Variants in NRXN3 observed in about 807,000 individuals in gnomAD.
NRXN3 encodes the protein neurexin 3, also known as neurexin III.
NRXN3 carries 32 observed loss-of-function variants against 137.6 expected under a neutral mutation model. That is an observed-to-expected ratio of 0.23 (90% CI 0.18 to 0.31). NRXN3 has a LOEUF of 0.31. Among genes scored for constraint, NRXN3 ranks in the 10% least tolerant of loss-of-function variants. The pLI is 1.00. For synonymous variants in NRXN3, 798 were observed against 784.5 expected (o/e 1.02, Z -0.29); for missense variants, 1,574 against 2,062.5 (o/e 0.76, Z 4.59).
At chr14:78,987,666 T>C (rs1005434855) in intron 14 of NRXN3, among the ~76,000 whole-genome samples, 2 of 152,092 alleles carry the variant, frequency 1.3e-5, no homozygotes, top group Admixed American at 6.5e-5. Context: ...AATGATTTTT[T>C]TTTTCTGAGT....
intron 15 of NRXN3, among the ~76,000 whole-genome samples, chr14:78,993,662 C>G (rs1202092161): frequency 6.6e-6 from 1 of 151,946 alleles, no homozygotes; most frequent in Admixed American, 6.6e-5. Context: ...GTTTTGTTCT[C>G]AAAGACCTTC....
At chr14:78,304,270 G>A (rs1053928353) in intron 4 of NRXN3, among the ~76,000 whole-genome samples, 8 of 152,156 alleles carry the variant, frequency 5.3e-5, no homozygotes, top group African/African-American at 1.9e-4. Flanking sequence ...CAGAATAAAC[G>A]TGGGAAAGGT....
At chr14:79,445,345 AAAAAG>A (rs1415828657) in intron 15 of NRXN3, among the ~76,000 whole-genome samples, 1 of 151,998 alleles carries the variant, frequency 6.6e-6, no homozygotes, top group African/African-American at 2.4e-5. Context: ...TCTCAAAAAA[AAAAAG>A]AAAGAAAGAA....
In NRXN3 at chr14:78,612,597, A is replaced by G. The variant is rs1199341520; in HGVS notation, c.758-32523A>G. ...GTGTTTCAACCCACTGATGTTGAAC[A>G]TACTGACCAGGATTTTGGCTCTGCC... On this transcript the variant is annotated intron_variant, in intron 4 of 20. Transcript: ENST00000335750. 2.6e-5 allele frequency among the ~76,000 whole-genome samples: 4 copies of G among 152,232 alleles called. 1 individual carries two copies. Among genetic ancestry groups the G allele is most frequent in the South Asian group, 4.1e-4 (2 of 4,832 alleles).
intron 15 of NRXN3, among the ~76,000 whole-genome samples, chr14:79,262,844 T>C (rs555610105): frequency 1.3e-5 from 2 of 152,254 alleles, no homozygotes; most frequent in South Asian, 2.1e-4. Context: ...ATAGCAACAC[T>C]GATAGGTACA....
chr14:79,494,690 G>C (rs557693511), intron 16 of NRXN3, among the ~76,000 whole-genome samples: 5 of 152,198 alleles, frequency 3.3e-5, no homozygotes, highest in African/African-American at 7.2e-5. Context: ...AATAATTTTA[G>C]ATTTGCAGAA....
chr14:78,446,929 A>C (rs973583856), intron 4 of NRXN3, among the ~76,000 whole-genome samples: 1 of 152,210 alleles, frequency 6.6e-6, no homozygotes, highest in Non-Finnish European at 1.5e-5. Flanking sequence ...ATGGTCCCTC[A>C]TTCCAGAATC....
intron 4 of NRXN3, among the ~76,000 whole-genome samples, chr14:78,446,089 T>G (rs1457284005): frequency 6.6e-6 from 1 of 152,214 alleles, no homozygotes; most frequent in Non-Finnish European, 1.5e-5. Flanking sequence ...CACCTGACCT[T>G]GCCCATAACC....
chr14:78,344,749 CCTG>C (rs2082522806), intron 4 of NRXN3, among the ~76,000 whole-genome samples: 1 of 152,204 alleles, frequency 6.6e-6, no homozygotes, highest in African/African-American at 2.4e-5. Context: ...TCACTGTGCA[CCTG>C]CTAATATAGC....
intron 4 of NRXN3, among the ~76,000 whole-genome samples, chr14:78,495,593 C>T (rs192634913): frequency 1.7e-4 from 26 of 152,264 alleles, no homozygotes; most frequent in African/African-American, 5.5e-4. Flanking sequence ...AGTGACATCT[C>T]GAATCTTCAG....
intron 15 of NRXN3, among the ~76,000 whole-genome samples, chr14:79,369,064 C>A (rs139215251): frequency 6.6e-6 from 1 of 152,226 alleles, no homozygotes; most frequent in African/African-American, 2.4e-5. Flanking sequence ...GCAAAAACTA[C>A]GTGCAAACAG....
At chr14:78,984,718 A>C (rs2099498680) in intron 14 of NRXN3, among the ~76,000 whole-genome samples, 1 of 152,174 alleles carries the variant, frequency 6.6e-6, no homozygotes, top group South Asian at 2.1e-4. Flanking sequence ...TACAGCCTTA[A>C]AGTGTTTTTC....
Position 78,315,885 on chromosome 14 carries a change from C to T in NRXN3, c.757+18025C>T, listed in dbSNP as rs182687785. Among the ~76,000 whole-genome samples, 911 of 152,280 alleles carry T rather than the reference C, an allele frequency of 6.0e-3. 10 individuals are homozygous for T. Among genetic ancestry groups the T allele is most frequent in the African/African-American group, 0.019 (809 of 41,556 alleles). ...TTATTTTTTGTGACTGACTTGTGAA[C>T]AGTTAACTGATGGCAACTCATTTTA... On this transcript the variant is annotated intron_variant, in intron 4 of 20. Transcript: ENST00000335750.
At chr14:79,294,206 T>G (rs2083655980) in intron 15 of NRXN3, among the ~76,000 whole-genome samples, 1 of 152,254 alleles carries the variant, frequency 6.6e-6, no homozygotes, top group Admixed American at 6.5e-5. Context: ...ATACCTAGCA[T>G]ATTTTCTCGC....
intron 3 of NRXN3, chr14:78,282,201 G>A: frequency 2.1e-6 from 1 of 480,782 alleles, no homozygotes; most frequent in Non-Finnish European, 4.2e-6. Context: ...GGTCTTCCTG[G>A]GCTGCTTGTA....
At chr14:78,554,621 A>G (rs965776613) in intron 4 of NRXN3, among the ~76,000 whole-genome samples, 3 of 152,222 alleles carry the variant, frequency 2.0e-5, no homozygotes, top group Non-Finnish European at 4.4e-5. Flanking sequence ...TCTTCTGCAT[A>G]GAGACCTTCT....
chr14:79,800,237 C>G (rs900181000), intron 19 of NRXN3, among the ~76,000 whole-genome samples: 1 of 152,306 alleles, frequency 6.6e-6, no homozygotes, highest in Non-Finnish European at 1.5e-5. Flanking sequence ...ACATTCCCAA[C>G]GTAACTATGA....
intron 15 of NRXN3, among the ~76,000 whole-genome samples, chr14:79,207,803 T>A (rs1164070572): frequency 6.6e-6 from 1 of 152,188 alleles, no homozygotes; most frequent in Admixed American, 6.5e-5. Context: ...TATGGCTCCT[T>A]GATGATAATT....
At chr14:78,379,353 C>G (rs1263245381) in intron 4 of NRXN3, among the ~76,000 whole-genome samples, 1 of 152,056 alleles carries the variant, frequency 6.6e-6, no homozygotes, top group Admixed American at 6.5e-5. Context: ...ATATGACACA[C>G]AATCTTTAAA....
Sources: gnomAD v4.1 joint callset for allele counts (sites outside exome capture counted in the v4.1 genomes callset) on GRCh38, gnomAD v4.1.1 for gene constraint, MANE v1.5 for transcripts, NCBI Gene and HGNC (gene_info 2026-07-23, HGNC 2026-07-21) for gene names.